Variants in DMD observed in about 807,000 individuals in gnomAD.
DMD encodes mutant dystrophin.
DMD carries 63 observed loss-of-function variants against 330.1 expected under a neutral mutation model. The observed-to-expected ratio is 0.19, with a 90% CI of 0.16 to 0.24. DMD has a LOEUF of 0.24. Ranked by LOEUF, DMD falls within the 10% of genes least tolerant of loss-of-function variation. The pLI, the probability that DMD is intolerant of heterozygous loss-of-function variation, is 1.00. For missense variants in DMD, 3,344 were observed against 2,684.1 expected (o/e 1.25, Z -5.43); for synonymous variants, 1,223 against 959.8 (o/e 1.27, Z -5.07).
intron 7 of DMD, among the ~76,000 whole-genome samples, chrX:32,727,462 A>T (rs2067018871): frequency 9.0e-6 from 1 of 111,041 alleles, no homozygotes; most frequent in Admixed American, 9.7e-5. Context: ...TTCATTTACT[A>T]GAGTCCTGCT....
chrX:32,058,140 C>T (rs1012891560), intron 44 of DMD, among the ~76,000 whole-genome samples: 1 of 110,781 alleles, frequency 9.0e-6, no homozygotes, highest in African/African-American at 3.3e-5. Flanking sequence ...TAGAAGAAAA[C>T]ATAAGGGAAA....
At chrX:32,709,106 G>A (rs933209263) in intron 7 of DMD, among the ~76,000 whole-genome samples, 3 of 111,816 alleles carry the variant, frequency 2.7e-5, no homozygotes, top group Admixed American at 1.9e-4. Flanking sequence ...CAGTACTTAT[G>A]AAATTTCATT....
chrX:33,097,804 C>CG (rs2095188783), intron 1 of DMD, among the ~76,000 whole-genome samples: 1 of 108,299 alleles, frequency 9.2e-6, no homozygotes, highest in Admixed American at 1.0e-4. Context: ...TTAGTAGAGA[C>CG]GGGGTTTCAT....
In DMD at chrX:33,269,966, G is replaced by GTA. The variant is rs201044748; in HGVS notation, c.7+69291_7+69292dup. ...AAAATCATATGGAGCTTATATATAT[G>GTA]TATATATATATAATCACAGATTTAT... is the stretch of plus-strand genomic sequence containing the variant. On this transcript the variant is annotated intron_variant, in intron 1 of 17. Coordinates refer to the DMD transcript ENST00000288447. Among the ~76,000 whole-genome samples, 642 of 109,045 alleles carry GTA rather than the reference G, an allele frequency of 5.9e-3. 3 individuals are homozygous for GTA. Among genetic ancestry groups the GTA allele is most frequent in the African/African-American group, 0.02 (608 of 29,962 alleles). 94.7% of individuals were successfully genotyped at this position (109,045 alleles called of 115,157 possible).
chrX:33,193,916 C>T (rs938961899), intron 1 of DMD, among the ~76,000 whole-genome samples: 6 of 110,258 alleles, frequency 5.4e-5, no homozygotes, highest in African/African-American at 2.0e-4. Context: ...CTTCCTAGTA[C>T]AAGGAAATAT....
At chrX:31,593,105 A>G (rs992458178) in intron 55 of DMD, among the ~76,000 whole-genome samples, 1 of 111,178 alleles carries the variant, frequency 9.0e-6, no homozygotes, top group Non-Finnish European at 1.9e-5. Context: ...AAGGGATCAT[A>G]TTTCTCCAGA....
At position 31,119,530 on chromosome X, in the gene DMD, A is replaced by G. The variant is rs1257697902; in HGVS notation, c.*2389T>C. ...GAACACAACACGAAATAATGTCCAA[A>G]TTAATTATGCTTAAAATGCAGCAAT... On this transcript the variant is annotated 3_prime_UTR_variant, in exon 79 of 79. Coordinates refer to ENST00000357033, the MANE Select transcript of DMD (RefSeq NM_004006.3). The G allele has an allele frequency of 8.9e-6, 1 of 112,563 alleles. No individual in the cohort carries two copies. The highest frequency in any genetic ancestry group is 3.2e-5 in the African/African-American group (1 of 30,957). 9.3% of individuals were successfully genotyped at this position (112,563 alleles called of 1,213,427 possible). A position where few individuals can be genotyped will look rare whatever the true frequency, so the allele number is the denominator to read the frequency against.
intron 9 of DMD, among the ~76,000 whole-genome samples, chrX:32,652,644 A>G (rs1316171880): frequency 1.8e-5 from 2 of 111,117 alleles, no homozygotes; most frequent in African/African-American, 6.6e-5. Flanking sequence ...TCCTTTGGGA[A>G]TATACCCAGT....
At chrX:33,035,935 A>G (rs2094196613) in intron 1 of DMD, among the ~76,000 whole-genome samples, 1 of 112,131 alleles carries the variant, frequency 8.9e-6, no homozygotes, top group South Asian at 3.6e-4. Flanking sequence ...TCCAAAAAAG[A>G]GAAAAGATGT....
chrX:31,706,860 A>G (rs1412771430), intron 52 of DMD, among the ~76,000 whole-genome samples: 1 of 112,337 alleles, frequency 8.9e-6, no homozygotes, highest in Admixed American at 9.5e-5. Flanking sequence ...GATTCTTTCA[A>G]TCTGAATACA....
At chrX:31,210,654 A>AT (rs1718208251) in intron 64 of DMD, among the ~76,000 whole-genome samples, 2 of 112,123 alleles carry the variant, frequency 1.8e-5, no homozygotes, top group Non-Finnish European at 3.8e-5. Flanking sequence ...AATCAATGCT[A>AT]ATTAAGTAAA....
rs142702400 is a variant in DMD at position 31,870,528 on chromosome X, C to G, written c.7098+4660G>C. 9.0e-3 allele frequency among the ~76,000 whole-genome samples: 1,013 copies of G among 111,964 alleles called. 10 individuals carry two copies. Among genetic ancestry groups the G allele is most frequent in the African/African-American group, 0.029 (894 of 30,821 alleles). ...ACTAACTCATCTCAGCACTTAGAGG[C>G]TCTCCTGCCTTTTATTTCAGCAGAA... On this transcript the variant is annotated intron_variant, in intron 48 of 78. Transcript: ENST00000357033.
chrX:31,638,215 A>G (rs5971583), intron 54 of DMD, among the ~76,000 whole-genome samples: 4,260 of 111,882 alleles, frequency 0.038, 116 homozygotes, highest in African/African-American at 0.092. Flanking sequence ...CAGATTGCCT[A>G]TAAGTTTGAT....
At position 31,773,980 on chromosome X, in the gene DMD, C is replaced by T. The variant is rs779517657; in HGVS notation, c.7522G>A (p.Glu2508Lys). 7 of 1,205,163 alleles carry T rather than the reference C, an allele frequency of 5.8e-6. No homozygotes were observed. The highest frequency in any genetic ancestry group is 5.9e-5 in the East Asian group (2 of 33,656). The part of the protein sequence containing the change: ...VMVGDLEDIN[E>K]MIIKQKATMQ... Reference sequence around the variant, plus strand: ...CATACCTTCTGCTTGATGATCATCTCGTTGATATCCTCAAGGTCACCCACC... The same window carrying T: ...CATACCTTCTGCTTGATGATCATCTTGTTGATATCCTCAAGGTCACCCACC... The change falls in exon 51 of 79, where the codon GAG becomes AAG. Residue 2508 changes from glutamate (E) to lysine (K), a missense_variant. Coordinates refer to ENST00000357033, the MANE Select transcript of DMD (RefSeq NM_004006.3).
chrX:31,728,836 C>T (rs899866425), intron 52 of DMD, among the ~76,000 whole-genome samples: 4 of 111,401 alleles, frequency 3.6e-5, no homozygotes, highest in African/African-American at 1.3e-4. Context: ...CAGTGTGTGT[C>T]CCTGGAGGGA....
intron 44 of DMD, among the ~76,000 whole-genome samples, chrX:32,064,003 A>T (rs192675118): frequency 9.0e-6 from 1 of 111,156 alleles, no homozygotes; most frequent in Non-Finnish European, 1.9e-5. Flanking sequence ...TTTCATGAAT[A>T]TTTTCAGTGG....
intron 62 of DMD, among the ~76,000 whole-genome samples, chrX:31,319,795 G>A (rs773876293): frequency 3.6e-4 from 41 of 112,497 alleles, no homozygotes; most frequent in Non-Finnish European, 6.8e-4. Context: ...CCAGAATACA[G>A]AAGAACAATT....
intron 2 of DMD, among the ~76,000 whole-genome samples, chrX:32,921,546 T>C (rs1330524550): frequency 2.7e-5 from 3 of 111,612 alleles, no homozygotes; most frequent in African/African-American, 9.8e-5. Context: ...CGTGGCCATG[T>C]GTATGACTAT....
intron 59 of DMD, among the ~76,000 whole-genome samples, chrX:31,476,532 G>A (rs1213327290): frequency 9.4e-6 from 1 of 106,920 alleles, no homozygotes; most frequent in Non-Finnish European, 1.9e-5. Flanking sequence ...TATGGGCAGA[G>A]TGTATTAAAT....
Sources: gnomAD v4.1 joint callset for allele counts (sites outside exome capture counted in the v4.1 genomes callset) on GRCh38, gnomAD v4.1.1 for gene constraint, MANE v1.5 for transcripts, NCBI Gene and HGNC (gene_info 2026-07-23, HGNC 2026-07-21) for gene names.